Variants in ELMOD3 observed in about 807,000 individuals in gnomAD.
ELMOD3 encodes the protein ELMO domain-containing protein 3.
In ELMOD3, 36 loss-of-function variants were observed where a neutral mutation model predicts 47.4. That is an observed-to-expected ratio of 0.76 (90% CI 0.58 to 1.00). ELMOD3 has a LOEUF of 1.00. ELMOD3 is among the 50% of genes least tolerant of loss of function. The pLI is 0.00. For missense variants in ELMOD3, 404 were observed against 463.8 expected (o/e 0.87, Z 1.18); for synonymous variants, 149 against 183.5 (o/e 0.81, Z 1.52).
chr2:85,387,197 C>T (rs559918588), intron 11 of ELMOD3: 580 of 1,225,912 alleles, frequency 4.7e-4, no homozygotes, highest in Non-Finnish European at 3.7e-4. Context: ...AGGTCAGCAT[C>T]AATGGTGTTC....
intron 11 of ELMOD3, 83 bp downstream of exon 11, chr2:85,377,557 T>C: frequency 6.9e-7 from 1 of 1,440,184 alleles, no homozygotes; most frequent in South Asian, 1.4e-5. Context: ...CCAGGACAGC[T>C]GAGATAAACC....
At chr2:85,364,825 A>ATATATATTTTT (rs375582916) in intron 6 of ELMOD3, among the ~76,000 whole-genome samples, 4 of 69,892 alleles carry the variant, frequency 5.7e-5, no homozygotes, top group African/African-American at 2.7e-4. Context: ...ATATATATAT[A>ATATATATTTTT]TTTTTTTTTT....
At chr2:85,371,889 G>A in intron 10 of ELMOD3, 1 of 257,432 alleles carries the variant, frequency 3.9e-6, no homozygotes, top group Non-Finnish European at 7.7e-6. Flanking sequence ...CAAATATTAG[G>A]GTGGGGTGCG....
chr2:85,370,858 G>A (rs537173050), intron 8 of ELMOD3, among the ~76,000 whole-genome samples: 55 of 152,290 alleles, frequency 3.6e-4, no homozygotes, highest in South Asian at 1.4e-3. Context: ...TAATACCTAC[G>A]CTTGGGGATG....
Position 85,362,222 on chromosome 2 carries a change from G to A in ELMOD3, c.91G>A (p.Asp31Asn). The A allele has an allele frequency of 6.2e-7, 1 of 1,608,216 alleles. No homozygotes were observed. Among genetic ancestry groups the A allele is most frequent in the Non-Finnish European group, 8.5e-7 (1 of 1,174,686 alleles). The change falls in exon 5 of 14, where the codon GAC (aspartate) becomes AAC (asparagine). Residue 31 changes from aspartate (D) to asparagine (N), a missense_variant. Asp to Asn is a conservative substitution (Grantham distance 23, BLOSUM62 1). Transcript: ENST00000409013. ...GTCTGCTGGATATTCTCCATCATAT[G>A]ACAAGGACAAGAGTGTTCTGGCTTT... Reference protein sequence around the residue: ...RLSAGYSPSYDKDKSVLAFRG... With the variant: ...RLSAGYSPSYNKDKSVLAFRG...
chr2:85,370,188 C>A (rs541329472), intron 8 of ELMOD3, among the ~76,000 whole-genome samples: 1 of 152,176 alleles, frequency 6.6e-6, no homozygotes, highest in Admixed American at 6.5e-5. Flanking sequence ...CTTCCATTCC[C>A]TCAAGGAACC....
intron 6 of ELMOD3, among the ~76,000 whole-genome samples, chr2:85,365,142 A>T (rs1454710065): frequency 6.6e-6 from 1 of 150,500 alleles, no homozygotes; most frequent in African/African-American, 2.4e-5. Flanking sequence ...AAAAAGTAAA[A>T]AATAAATGTA....
intron 12 of ELMOD3, 34 bp from the exon 13 acceptor site, chr2:85,390,104 C>A (rs1573161251): frequency 6.3e-7 from 1 of 1,584,744 alleles, no homozygotes; most frequent in Admixed American, 1.7e-5. Context: ...CCTTCATCCA[C>A]CGCTGAGCAG....
At chr2:85,390,399 A>T in intron 13 of ELMOD3, 134 bp downstream of exon 13, 1 of 1,613,910 alleles carries the variant, frequency 6.2e-7, no homozygotes, top group Non-Finnish European at 8.5e-7. Context: ...AGCTTACCAA[A>T]ATCTCCATCA....
intron 7 of ELMOD3, 112 bp from the exon 8 acceptor site, chr2:85,369,627 T>G: frequency 9.0e-7 from 1 of 1,111,562 alleles, no homozygotes; most frequent in East Asian, 2.4e-5. Context: ...GTGTCTGATG[T>G]TCAACTGGAA....
intron 11 of ELMOD3, among the ~76,000 whole-genome samples, chr2:85,380,776 C>T (rs533809196): frequency 1.4e-4 from 22 of 152,326 alleles, no homozygotes; most frequent in Non-Finnish European, 2.6e-4. Flanking sequence ...GTGCTCGCCT[C>T]AGTCTCCCAA....
intron 4 of ELMOD3, among the ~76,000 whole-genome samples, chr2:85,358,264 G>A (rs1404924073): frequency 7.1e-6 from 1 of 140,862 alleles, no homozygotes; most frequent in Non-Finnish European, 1.5e-5. Flanking sequence ...GGGTGACCAA[G>A]TGAGACTCTG....
intron 4 of ELMOD3, among the ~76,000 whole-genome samples, chr2:85,361,620 A>G (rs1434070028): frequency 6.6e-6 from 1 of 152,138 alleles, no homozygotes; most frequent in Non-Finnish European, 1.5e-5. Context: ...AACAACACAC[A>G]CTGGGGCCTA....
At chr2:85,387,411 C>T (rs1488069141) in intron 11 of ELMOD3, among the ~76,000 whole-genome samples, 4 of 152,246 alleles carry the variant, frequency 2.6e-5, no homozygotes, top group Middle Eastern at 3.4e-3. Context: ...CCTGTAATCC[C>T]AGCGCTTTGG....
Position 85,391,086 on chromosome 2 carries a change from T to C in ELMOD3, c.*124T>C. The C allele has an allele frequency of 1.0e-6, 1 of 1,003,972 alleles. No individual in the cohort carries two copies. The highest frequency in any genetic ancestry group is 2.6e-5 in the East Asian group (1 of 37,860). The allele number at this position is 1,003,972 out of a possible 1,614,324, so 62.2% of individuals were successfully genotyped here. A position where few individuals can be genotyped will look rare whatever the true frequency, so the allele number is the denominator to read the frequency against. ...TCTCAGCAGATGGGATATAGGAAGC[T>C]CCTGGGCTTAGCTGTGGGAAGCCAA... is the stretch of plus-strand genomic sequence containing the variant. On this transcript the variant is annotated 3_prime_UTR_variant, in exon 14 of 14. Transcript: ENST00000409013.
At position 85,377,363 on chromosome 2, in the gene ELMOD3, C is replaced by T; in HGVS notation, c.627C>T (p.Asp209=). The T allele has an allele frequency of 1.9e-6, 3 of 1,606,932 alleles. No homozygotes were observed. Among genetic ancestry groups the T allele is most frequent in the African/African-American group, 1.3e-5 (1 of 74,644 alleles). The change falls in exon 11 of 14, where the codon GAC becomes GAT. Residue 209 remains aspartate (D), a synonymous_variant. Transcript: ENST00000409013. ...TTACAGGAGCGAATCCAGCCACAGA[C>T]CTGAGAGGCGCAGGCTTCCTTGCCC... ...LGFQGANPAT[D]LRGAGFLALL...
chr2:85,374,507 A>AT (rs1030024232), intron 10 of ELMOD3, among the ~76,000 whole-genome samples: 1 of 151,786 alleles, frequency 6.6e-6, no homozygotes, highest in African/African-American at 2.4e-5. Context: ...ACACCCAGCT[A>AT]TTTTTTGTAT....
chr2:85,355,340 A>C (rs1485919950), intron 2 of ELMOD3, 170 bp downstream of exon 2: 2 of 152,210 alleles, frequency 1.3e-5, no homozygotes, highest in Non-Finnish European at 2.9e-5. Context: ...CTAAGGGCCC[A>C]TCTAATTTAA....
At chr2:85,377,553 C>A in intron 11 of ELMOD3, 79 bp downstream of exon 11, 1 of 1,456,288 alleles carries the variant, frequency 6.9e-7, no homozygotes. Context: ...GCTCCCAGGA[C>A]AGCTGAGATA....
Sources: gnomAD v4.1 joint callset for allele counts (sites outside exome capture counted in the v4.1 genomes callset) on GRCh38, gnomAD v4.1.1 for gene constraint, MANE v1.5 for transcripts, NCBI Gene and HGNC (gene_info 2026-07-23, HGNC 2026-07-21) for gene names.